KSR2: variants seen among roughly 807,000 people sequenced by gnomAD.
KSR2 encodes the protein kinase suppressor of ras 2.
KSR2 carries 25 observed loss-of-function variants against 107.8 expected under a neutral mutation model. That is an observed-to-expected ratio of 0.23 (90% CI 0.17 to 0.32). The LOEUF (loss-of-function observed/expected upper bound fraction) is 0.32. Among genes scored for constraint, KSR2 ranks in the 10% least tolerant of loss-of-function variants. The probability of loss-of-function intolerance (pLI) is 1.00; values close to 1 mark genes in which losing one functional copy is unlikely to be tolerated. For missense variants in KSR2, 887 were observed against 1,268.9 expected (o/e 0.70, Z 4.57); for synonymous variants, 480 against 507.0 (o/e 0.95, Z 0.71).
rs927967275 is a variant in KSR2 at position 117,472,744 on chromosome 12, A to G, written c.2583-1424T>C. 3.3e-5 allele frequency among the ~76,000 whole-genome samples: 5 copies of G among 152,230 alleles called. No homozygotes were observed. The East Asian group carries it at 9.6e-4, about 29-fold the overall frequency. ...GAAAGCTCTCAAGAGAAGGTGCTAA[A>G]AGATTATAGTTATCATAAGAAATAA... On this transcript the variant is annotated intron_variant, in intron 17 of 19. Coordinates refer to ENST00000339824, the MANE Select transcript of KSR2 (RefSeq NM_173598.6).
At chr12:117,548,717 T>C (rs1445921755) in intron 9 of KSR2, among the ~76,000 whole-genome samples, 1 of 152,204 alleles carries the variant, frequency 6.6e-6, no homozygotes, top group Non-Finnish European at 1.5e-5. Flanking sequence ...TCCATCTTCC[T>C]GGAAGCAGAG....
chr12:117,776,727 G>A (rs918411063), intron 3 of KSR2, among the ~76,000 whole-genome samples: 2 of 151,986 alleles, frequency 1.3e-5, no homozygotes, highest in East Asian at 1.9e-4. Flanking sequence ...CGGGTTCCAC[G>A]GTGGCTTGGG....
intron 1 of KSR2, among the ~76,000 whole-genome samples, chr12:117,963,177 G>A (rs1337519611): frequency 2.0e-5 from 3 of 151,958 alleles, no homozygotes; most frequent in Non-Finnish European, 2.9e-5. Flanking sequence ...GCAACGGAGC[G>A]AGACCCTGTC....
rs78132306 is a variant in KSR2, at chr12:117,859,992, G to A, written c.321+299C>T. Among the ~76,000 whole-genome samples the A allele has an allele frequency of 6.2e-3, 939 of 152,298 alleles. 52 individuals are homozygous for A. The East Asian group carries it at 0.12, about 19-fold the overall frequency. On this transcript the variant is annotated intron_variant, in intron 2 of 19. Coordinates refer to ENST00000339824, the MANE Select transcript of KSR2 (RefSeq NM_173598.6). The stretch of plus-strand genomic sequence containing the variant: ...AGCACAGATAGAAAATATTTCCATC[G>A]TAGCAGAAAGTTCCACTGGACAGCG...
At chr12:117,542,504 T>C (rs552817299) in intron 9 of KSR2, among the ~76,000 whole-genome samples, 29 of 152,264 alleles carry the variant, frequency 1.9e-4, no homozygotes, top group African/African-American at 6.7e-4. Context: ...ACAGTCAAGA[T>C]ACAGAACAGA....
At chr12:117,555,625 G>A (rs889748615) in intron 8 of KSR2, among the ~76,000 whole-genome samples, 10 of 152,214 alleles carry the variant, frequency 6.6e-5, no homozygotes, top group Non-Finnish European at 1.3e-4. Context: ...GGCCTGTGAT[G>A]AGCGGACAAG....
chr12:117,909,093 G>C (rs1227274154), intron 1 of KSR2, among the ~76,000 whole-genome samples: 2 of 151,994 alleles, frequency 1.3e-5, no homozygotes, highest in African/African-American at 4.8e-5. Context: ...CCTTATACCA[G>C]TGGTCTTTGA....
At chr12:117,890,733 T>A (rs1180860723) in intron 1 of KSR2, 1 of 152,220 alleles carries the variant, frequency 6.6e-6, no homozygotes, top group Non-Finnish European at 1.5e-5. Context: ...AGAAATTTTT[T>A]CTTCCCACTT....
At chr12:117,786,942 T>A (rs1390097526) in intron 3 of KSR2, among the ~76,000 whole-genome samples, 2 of 151,710 alleles carry the variant, frequency 1.3e-5, no homozygotes. Context: ...GGCAGGAGAA[T>A]CGCTTGAACC....
chr12:117,758,611 C>T (rs1888881279), intron 4 of KSR2, among the ~76,000 whole-genome samples: 1 of 152,154 alleles, frequency 6.6e-6, no homozygotes, highest in South Asian at 2.1e-4. Flanking sequence ...TCCTGATACA[C>T]AAATTCCAAA....
chr12:117,825,136 T>G (rs1387745476), intron 3 of KSR2, among the ~76,000 whole-genome samples: 1 of 151,146 alleles, frequency 6.6e-6, no homozygotes, highest in Non-Finnish European at 1.5e-5. Flanking sequence ...GAGCCAACAT[T>G]GCGCCACTGC....
At chr12:117,660,422 G>A (rs1884384632) in intron 5 of KSR2, among the ~76,000 whole-genome samples, 1 of 152,152 alleles carries the variant, frequency 6.6e-6, no homozygotes, top group South Asian at 2.1e-4. Flanking sequence ...AATCCTTGGT[G>A]TTCCTTGGCT....
Position 117,968,308 on chromosome 12 carries a change from G to T in KSR2, c.-53C>A, listed in dbSNP as rs1038409344. 7.6e-6 allele frequency: 11 copies of T among 1,453,332 alleles called. No individual in the cohort carries two copies. The highest frequency in any genetic ancestry group is 2.9e-5 in the South Asian group (2 of 69,500). 90.0% of individuals were successfully genotyped at this position (1,453,332 alleles called of 1,614,324 possible). A position where few individuals can be genotyped will look rare whatever the true frequency, so the allele number is the denominator to read the frequency against. On this transcript the variant is annotated 5_prime_UTR_variant, in exon 1 of 20. Transcript: ENST00000339824. Reference sequence around the variant, plus strand: ...CTCCTCCTCCCAGAGAGAAAAAAGAGGGGGGGGAGTAGAGGTAGTCTACCC... The same window carrying T: ...CTCCTCCTCCCAGAGAGAAAAAAGATGGGGGGGAGTAGAGGTAGTCTACCC...
chr12:117,832,551 T>C (rs1892016406), intron 3 of KSR2, among the ~76,000 whole-genome samples: 1 of 152,240 alleles, frequency 6.6e-6, no homozygotes, highest in African/African-American at 2.4e-5. Context: ...CTAAGGAAGA[T>C]GCAGGTATTG....
At chr12:117,619,047 G>A (rs1404739705) in intron 5 of KSR2, among the ~76,000 whole-genome samples, 6 of 152,062 alleles carry the variant, frequency 3.9e-5, no homozygotes, top group African/African-American at 9.7e-5. Context: ...ACCCTAGGGG[G>A]ACACAGATCC....
intron 5 of KSR2, among the ~76,000 whole-genome samples, chr12:117,642,218 T>C (rs73211961): frequency 1.1e-4 from 16 of 152,322 alleles, no homozygotes; most frequent in Non-Finnish European, 2.4e-4. Context: ...ATCGGCCCTT[T>C]TATATCTGTG....
In KSR2 at chr12:117,644,065, T is replaced by C. The variant is rs1259929227; in HGVS notation, c.1171+23409A>G. 2.0e-5 allele frequency among the ~76,000 whole-genome samples: 3 copies of C among 152,184 alleles called. No individual in the cohort carries two copies. The East Asian group carries it at 5.8e-4, about 29-fold the overall frequency. ...CCATCCCAGGAAGCACAGTTGTGTA[T>C]GTAGTTCTTGCCTGCCTGGCCACTC... On this transcript the variant is annotated intron_variant, in intron 5 of 19. Transcript: ENST00000339824.
Position 117,968,315 on chromosome 12 carries a change from G to GGC in KSR2, c.-61_-60insGC. On this transcript the variant is annotated 5_prime_UTR_variant, in exon 1 of 20. Coordinates refer to ENST00000339824, the MANE Select transcript of KSR2 (RefSeq NM_173598.6). ...TCCCAGAGAGAAAAAAGAGGGGGGG[G>GGC]AGTAGAGGTAGTCTACCCTCCGCCT... 6.9e-7 allele frequency: 1 copy of GGC among 1,453,112 alleles called. No individual in the cohort carries two copies. Among genetic ancestry groups the GGC allele is most frequent in the Non-Finnish European group, 9.0e-7 (1 of 1,110,642 alleles). The allele number at this position is 1,453,112 out of a possible 1,614,324, so 90.0% of individuals were successfully genotyped here. A position where few individuals can be genotyped will look rare whatever the true frequency, so the allele number is the denominator to read the frequency against.
intron 9 of KSR2, among the ~76,000 whole-genome samples, chr12:117,544,254 T>C (rs1205383285): frequency 6.6e-6 from 1 of 152,218 alleles, no homozygotes; most frequent in East Asian, 1.9e-4. Context: ...AGTATTTCCA[T>C]TTTGTTCAGC....
Sources: gnomAD v4.1 joint callset for allele counts (sites outside exome capture counted in the v4.1 genomes callset) on GRCh38, gnomAD v4.1.1 for gene constraint, MANE v1.5 for transcripts, NCBI Gene and HGNC (gene_info 2026-07-23, HGNC 2026-07-21) for gene names.